NUTM2B: variants seen among roughly 807,000 people sequenced by gnomAD.
NUTM2B encodes family with sequence similarity 22, member B.
In NUTM2B, 2 loss-of-function variants were observed where a neutral mutation model predicts 42.4. That is an observed-to-expected ratio of 0.05 (90% CI 0.02 to 0.15). The LOEUF (loss-of-function observed/expected upper bound fraction) is 0.15, where lower values mean the gene tolerates loss of function less well. Among genes scored for constraint, NUTM2B ranks in the 10% least tolerant of loss-of-function variants. The pLI is 1.00. For synonymous variants in NUTM2B, 18 were observed against 402.4 expected (o/e 0.04, Z 11.43); for missense variants, 58 against 952.6 (o/e 0.06, Z 12.36).
rs1265609493 is a variant in NUTM2B, at chr10:79,710,979, G to A, written c.1734+215G>A. On this transcript the variant is annotated intron_variant, in intron 5 of 6. Transcript: ENST00000429828. The stretch of plus-strand genomic sequence containing the variant: ...TTTGTGTGTCTGTGTAGGTGTGAGT[G>A]TGGAGTGTGTACGTTACCTGTGTCT... Among the ~76,000 whole-genome samples the A allele has an allele frequency of 4.3e-4, 58 of 134,142 alleles. No homozygotes were observed. The East Asian group carries it at 0.014, about 32-fold the overall frequency. The allele number at this position is 134,142 out of a possible 152,430, so 88.0% of individuals were successfully genotyped here. A position where few individuals can be genotyped will look rare whatever the true frequency, so the allele number is the denominator to read the frequency against.
chr10:79,701,011 C>A (rs534538683), upstream of NUTM2B, among the ~76,000 whole-genome samples: 3 of 152,322 alleles, frequency 2.0e-5, no homozygotes, highest in South Asian at 6.2e-4. Flanking sequence ...GCAGTCCATG[C>A]ACTTAGGTAA....
At chr10:79,708,572 G>C (rs1279019774) in intron 2 of NUTM2B, 127 bp from the exon 3 acceptor site, 1 of 1,382,506 alleles carries the variant, frequency 7.2e-7, no homozygotes, top group African/African-American at 1.4e-5. Context: ...GAGCCCACAT[G>C]GGGGAGAACA....
upstream of NUTM2B, among the ~76,000 whole-genome samples, chr10:79,700,425 T>C (rs1261701937): frequency 2.6e-5 from 4 of 152,362 alleles, no homozygotes; most frequent in African/African-American, 9.6e-5. Flanking sequence ...TCCCACTGCA[T>C]TGTTACACCT....
At chr10:79,700,078 T>A (rs1370985957), upstream of NUTM2B, among the ~76,000 whole-genome samples, 1 of 152,222 alleles carries the variant, frequency 6.6e-6, no homozygotes, top group Non-Finnish European at 1.5e-5. Flanking sequence ...GCGATTGTCA[T>A]GGAAGCTTTT....
the NUTM2B span, chr10:79,692,191 G>A: frequency 5.3e-5 from 8 of 152,282 alleles, no homozygotes; most frequent in Middle Eastern, 6.8e-3. Flanking sequence ...GGATGGGAGG[G>A]GGCCTATACT....
At chr10:79,704,902 A>G (rs1270111490) in intron 1 of NUTM2B, among the ~76,000 whole-genome samples, 1 of 150,668 alleles carries the variant, frequency 6.6e-6, no homozygotes, top group Non-Finnish European at 1.5e-5. Flanking sequence ...TAGAGGAAGG[A>G]GAGTAGCGCA....
Position 79,706,479 on chromosome 10 carries a change from TC to T in NUTM2B, c.823del (p.Gln275ArgfsTer100). 1 of 648,484 alleles carries T rather than the reference TC, an allele frequency of 1.5e-6. No individual in the cohort carries two copies. The highest frequency in any genetic ancestry group is 2.5e-6 in the Non-Finnish European group (1 of 402,314). 40.2% of individuals were successfully genotyped at this position (648,484 alleles called of 1,614,324 possible). The stretch of plus-strand genomic sequence containing the variant: ...CACCCAGGCCTGTGAGGGAGGCTGG[TC>T]CCAGGGCCTTCCTCTTCCACCACCA... On this transcript the variant is annotated frameshift_variant, in exon 2 of 7. Transcript: ENST00000429828. LOFTEE classifies it high-confidence loss of function.
intron 1 of NUTM2B, among the ~76,000 whole-genome samples, chr10:79,705,675 C>T (rs1377192119): frequency 7.1e-6 from 1 of 141,222 alleles, no homozygotes; most frequent in Non-Finnish European, 1.5e-5. Flanking sequence ...AGGCCCCTCA[C>T]CTGTTGCTGA....
upstream of NUTM2B, among the ~76,000 whole-genome samples, chr10:79,701,080 T>C (rs1052564302): frequency 1.3e-5 from 2 of 152,168 alleles, no homozygotes; most frequent in East Asian, 1.9e-4. Flanking sequence ...TATCCTCAAA[T>C]TGCATGTCTT....
At chr10:79,698,935 T>C (rs1320941954), upstream of NUTM2B, among the ~76,000 whole-genome samples, 2 of 152,194 alleles carry the variant, frequency 1.3e-5, no homozygotes, top group African/African-American at 4.8e-5. Context: ...CCTGCACATA[T>C]GTAATCACAC....
At chr10:79,709,897 G>C in exon 4 of NUTM2B, 1 of 677,306 alleles carries the variant, frequency 1.5e-6, no homozygotes, top group Non-Finnish European at 2.1e-6. Context: ...ACCGAGGCTT[G>C]AACCTCGAGG....
chr10:79,698,165 C>CA, the NUTM2B span, among the ~76,000 whole-genome samples: 36,614 of 125,334 alleles, frequency 0.29, 4,764 homozygotes, highest in Admixed American at 0.38. Flanking sequence ...CCATACAATA[C>CA]AAAAAAAAAA....
At chr10:79,701,341 A>G (rs563314899), upstream of NUTM2B, among the ~76,000 whole-genome samples, 2 of 152,208 alleles carry the variant, frequency 1.3e-5, no homozygotes, top group Admixed American at 1.3e-4. Context: ...AGCAGCAGAT[A>G]GTAAGGGAAC....
chr10:79,702,190 T>C (rs1840324919), upstream of NUTM2B, among the ~76,000 whole-genome samples: 1 of 152,038 alleles, frequency 6.6e-6, no homozygotes, highest in East Asian at 1.9e-4. Context: ...GTTGATCTTC[T>C]CAGCTAAGAT....
At chr10:79,705,592 G>A (rs1270040323) in intron 1 of NUTM2B, among the ~76,000 whole-genome samples, 1 of 149,772 alleles carries the variant, frequency 6.7e-6, no homozygotes, top group Non-Finnish European at 1.5e-5. Flanking sequence ...GATTGAAGAG[G>A]AGATGGGGCC....
upstream of NUTM2B, among the ~76,000 whole-genome samples, chr10:79,699,276 A>G (rs2132233887): frequency 6.6e-6 from 1 of 151,874 alleles, no homozygotes; most frequent in South Asian, 2.1e-4. Flanking sequence ...AACATTAGAC[A>G]AATACAAATC....
chr10:79,700,997 A>G (rs959780321), upstream of NUTM2B, among the ~76,000 whole-genome samples: 16 of 152,094 alleles, frequency 1.1e-4, no homozygotes, highest in Non-Finnish European at 2.2e-4. Context: ...GGTAATACAA[A>G]CCTGCAGTCC....
chr10:79,710,992 G>A lies in NUTM2B; in HGVS notation c.1734+228G>A, dbSNP rs568052777. Reference sequence around the variant, plus strand: ...GTAGGTGTGAGTGTGGAGTGTGTACGTTACCTGTGTCTGTGTCTTTTCCTG... The same window carrying A: ...GTAGGTGTGAGTGTGGAGTGTGTACATTACCTGTGTCTGTGTCTTTTCCTG... On this transcript the variant is annotated intron_variant, in intron 5 of 6. Transcript: ENST00000429828. Among the ~76,000 whole-genome samples the A allele has an allele frequency of 5.8e-3, 773 of 132,822 alleles. 14 individuals are homozygous for A. Among genetic ancestry groups the A allele is most frequent in the African/African-American group, 0.021 (722 of 34,598 alleles). 87.1% of individuals were successfully genotyped at this position (132,822 alleles called of 152,430 possible).
intron 3 of NUTM2B, among the ~76,000 whole-genome samples, chr10:79,709,385 T>A (rs537870524): frequency 1.5e-5 from 2 of 135,416 alleles, no homozygotes; most frequent in African/African-American, 5.6e-5. Flanking sequence ...TTTTGCTTCC[T>A]CCTGACCAGG....
Sources: allele counts gnomAD v4.1 joint callset (sites outside exome capture counted in the v4.1 genomes callset), GRCh38; gene constraint gnomAD v4.1.1; transcripts MANE v1.5; gene names NCBI Gene and HGNC (gene_info 2026-07-23, HGNC 2026-07-21).